The following NCALD variants were observed in gnomAD, a reference collection of about 807,000 sequenced individuals.
The protein encoded by NCALD is neurocalcin-delta.
A neutral mutation model predicts 18.6 loss-of-function variants in NCALD; 10 were observed. The ratio of observed to expected loss-of-function variants is 0.54; its 90% CI spans 0.33 to 0.91. The LOEUF (loss-of-function observed/expected upper bound fraction) is 0.91. NCALD is among the 40% of genes least tolerant of loss of function. NCALD has a pLI of 0.03. For missense variants in NCALD, 184 were observed against 247.6 expected, an observed-to-expected ratio of 0.74 and a Z score of 1.72; for synonymous variants, 88 against 87.4, an observed-to-expected ratio of 1.01 and a Z score of -0.04.
chr8:101,797,567 T>C (rs1812685432), intron 4 of NCALD, among the ~76,000 whole-genome samples: 1 of 152,132 alleles, frequency 6.6e-6, no homozygotes, highest in South Asian at 2.1e-4. Flanking sequence ...GCCTGTAATC[T>C]AGCACTTTGG....
intron 2 of NCALD, among the ~76,000 whole-genome samples, chr8:101,999,323 G>T (rs1821357965): frequency 6.6e-6 from 1 of 152,070 alleles, no homozygotes; most frequent in African/African-American, 2.4e-5. Flanking sequence ...TACATACCAT[G>T]GAATACTACC....
Position 101,689,354 on chromosome 8 carries a change from A to G in NCALD, c.537T>C (p.Ile179=). 6.2e-7 allele frequency: 1 copy of G among 1,613,558 alleles called. No homozygotes were observed. Among genetic ancestry groups the G allele is most frequent in the African/African-American group, 1.3e-5 (1 of 75,050 alleles). Residue 179 remains isoleucine (I), a synonymous_variant, in exon 4 of 4, where the codon ATT becomes ATC. Transcript: ENST00000220931. The surrounding 1 kb of genome is among the most constrained non-coding windows in gnomAD (Gnocchi z 4.4). The part of the protein sequence containing the change: ...FIRGAKSDPS[I]VRLLQCDPSS... Reference sequence around the variant, plus strand: ...TCGGGTCGCACTGCAGGAGGCGCACAATGGACGGGTCGCTTTTGGCTCCTC... The same window carrying G: ...TCGGGTCGCACTGCAGGAGGCGCACGATGGACGGGTCGCTTTTGGCTCCTC...
chr8:102,043,862 T>C (rs528747115), intron 1 of NCALD, among the ~76,000 whole-genome samples: 1 of 151,934 alleles, frequency 6.6e-6, no homozygotes, highest in South Asian at 2.1e-4. Context: ...TTACTGCTCG[T>C]TGTCTTTGCT....
chr8:101,825,300 C>T (rs113835855), intron 4 of NCALD, among the ~76,000 whole-genome samples: 6,325 of 152,308 alleles, frequency 0.042, 324 homozygotes, highest in East Asian at 0.12. Flanking sequence ...AGGAAGAGCT[C>T]ATTGTCTGGA....
At chr8:101,776,313 C>T (rs1187676070) in intron 1 of NCALD, among the ~76,000 whole-genome samples, 1 of 152,118 alleles carries the variant, frequency 6.6e-6, no homozygotes, top group Non-Finnish European at 1.5e-5. Flanking sequence ...CCCAGTCTTT[C>T]CTCTAATGTG....
intron 1 of NCALD, among the ~76,000 whole-genome samples, chr8:102,097,468 T>G (rs1333912915): frequency 6.6e-6 from 1 of 152,202 alleles, no homozygotes; most frequent in Non-Finnish European, 1.5e-5. Flanking sequence ...GCTTTTGGCT[T>G]TGTGCTGTGT....
At chr8:101,701,203 A>C (rs1242377306) in intron 2 of NCALD, among the ~76,000 whole-genome samples, 2 of 152,076 alleles carry the variant, frequency 1.3e-5, no homozygotes, top group Non-Finnish European at 2.9e-5. Flanking sequence ...AGAACTTTAA[A>C]ATCTGGGACT....
At chr8:102,024,573 A>G (rs1362679414) in intron 1 of NCALD, among the ~76,000 whole-genome samples, 1 of 152,160 alleles carries the variant, frequency 6.6e-6, no homozygotes. Context: ...CTCATCACAT[A>G]GCCAGGAGCC....
At chr8:102,060,447 G>C (rs1032023133) in intron 1 of NCALD, among the ~76,000 whole-genome samples, 1 of 152,192 alleles carries the variant, frequency 6.6e-6, no homozygotes, top group Non-Finnish European at 1.5e-5. Flanking sequence ...TCCAGGCACT[G>C]GCTGGGCGAG....
chr8:101,753,555 A>G (rs972754964), intron 1 of NCALD, among the ~76,000 whole-genome samples: 2 of 152,228 alleles, frequency 1.3e-5, no homozygotes, highest in African/African-American at 2.4e-5. Context: ...GATTAGCGTA[A>G]GGCAGTTACA....
intron 1 of NCALD, among the ~76,000 whole-genome samples, chr8:101,789,310 A>G (rs779504356): frequency 1.3e-5 from 2 of 152,186 alleles, no homozygotes; most frequent in Non-Finnish European, 2.9e-5. Context: ...TTTGAGATCA[A>G]TTAAGTGATG....
At chr8:102,105,252 T>C (rs927179415) in intron 1 of NCALD, among the ~76,000 whole-genome samples, 1 of 152,220 alleles carries the variant, frequency 6.6e-6, no homozygotes, top group Admixed American at 6.5e-5. Context: ...AGTTGAAACT[T>C]TGTAAAGATA....
chr8:101,845,607 C>T (rs531251332), intron 4 of NCALD, among the ~76,000 whole-genome samples: 33 of 152,284 alleles, frequency 2.2e-4, no homozygotes, highest in Non-Finnish European at 4.0e-4. Flanking sequence ...AGGCATACAA[C>T]GTGTCATGGT....
At chr8:101,871,685 AATT>A (rs539407792) in intron 4 of NCALD, 126 of 161,246 alleles carry the variant, frequency 7.8e-4, no homozygotes, top group African/African-American at 2.8e-3. Flanking sequence ...AATTTCCAGC[AATT>A]ATTATTTCTA....
chr8:102,000,172 A>G (rs1326081477), intron 2 of NCALD, among the ~76,000 whole-genome samples: 1 of 152,202 alleles, frequency 6.6e-6, no homozygotes, highest in African/African-American at 2.4e-5. Flanking sequence ...GGTCACTCCC[A>G]CCCTAATACT....
chr8:101,811,258 A>C (rs1813294362), intron 4 of NCALD, among the ~76,000 whole-genome samples: 1 of 152,220 alleles, frequency 6.6e-6, no homozygotes, highest in Admixed American at 6.5e-5. Context: ...AGAGTTCTTT[A>C]AAGTAGAAGA....
rs1003979863 is a variant in NCALD, at chr8:101,690,801, G to T, written c.485-1395C>A. ...CCCACATAGTAGTTACAATGGTAAT[G>T]ACTTCCTCCAGCTTGGCAAGGCATG... On this transcript the variant is annotated intron_variant, in intron 3 of 3. Coordinates refer to ENST00000220931, the MANE Select transcript of NCALD (RefSeq NM_032041.3). The T allele has an allele frequency of 2.3e-5, 23 of 985,268 alleles. No homozygotes were observed. The African/African-American group carries it at 3.8e-4, about 16-fold the overall frequency. 61.0% of individuals were successfully genotyped at this position (985,268 alleles called of 1,614,324 possible).
At chr8:101,880,045 G>A (rs1816417315) in intron 4 of NCALD, among the ~76,000 whole-genome samples, 1 of 151,424 alleles carries the variant, frequency 6.6e-6, no homozygotes, top group South Asian at 2.1e-4. Context: ...GCGCTAGTCT[G>A]GGAGGCTGGG....
At position 101,855,817 on chromosome 8, in the gene NCALD, CAG is replaced by C. The variant is rs564206404; in HGVS notation, c.-20+31322_-20+31323del. ...AAGCCAGAAAGACAGAAATAAAAAA[CAG>C]TGGTGTCTTAGAAGCTCAATCTCTT... On this transcript the variant is annotated intron_variant, in intron 4 of 6. Transcript: ENST00000311028. Among the ~76,000 whole-genome samples, 163 of 152,314 alleles carry C rather than the reference CAG, an allele frequency of 1.1e-3. 1 individual carries two copies. Among genetic ancestry groups the C allele is most frequent in the Admixed American group, 2.0e-3 (30 of 15,292 alleles).
Sources: gnomAD v4.1 joint callset for allele counts (sites outside exome capture counted in the v4.1 genomes callset) on GRCh38, gnomAD v4.1.1 for gene constraint, Gnocchi (gnomAD v3.1) non-coding constraint, MANE v1.5 for transcripts, NCBI Gene and HGNC (gene_info 2026-07-23, HGNC 2026-07-21) for gene names.